The following FBXO6 variants were observed in gnomAD, a reference collection of about 807,000 sequenced individuals.
The protein encoded by FBXO6 is F-box only protein 6.
FBXO6 carries 13 observed loss-of-function variants against 25.0 expected under a neutral mutation model. That is an observed-to-expected ratio of 0.52 (90% CI 0.34 to 0.83). The LOEUF is 0.83. FBXO6 is among the 40% of genes least tolerant of loss of function. The pLI, the probability that FBXO6 is intolerant of heterozygous loss-of-function variation, is 0.02. For synonymous variants in FBXO6, 138 were observed against 155.3 expected, an observed-to-expected ratio of 0.89 and a Z score of 0.83; for missense variants, 370 against 380.2, an observed-to-expected ratio of 0.97 and a Z score of 0.22.
At chr1:11,666,037 C>CTTT (rs70983580) in intron 1 of FBXO6, among the ~76,000 whole-genome samples, 23 of 97,364 alleles carry the variant, frequency 2.4e-4, no homozygotes, top group South Asian at 3.3e-4. Flanking sequence ...TTTCTTTTCT[C>CTTT]TTTTTTTTTT....
Position 11,673,554 on chromosome 1 carries a change from C to G in FBXO6, c.646-61C>G. 1.3e-6 allele frequency: 2 copies of G among 1,577,916 alleles called. No individual in the cohort carries two copies. The highest frequency in any genetic ancestry group is 1.7e-6 in the Non-Finnish European group (2 of 1,155,464). On this transcript the variant is annotated intron_variant, in intron 5 of 5. Coordinates refer to ENST00000376753, the MANE Select transcript of FBXO6 (RefSeq NM_018438.6). The surrounding 1 kb of genome is among the most constrained non-coding windows in gnomAD (Gnocchi z 4.3). ...AGCCTGGGCAGCTCTCTTAGAGGAC[C>G]TGGCTCCTGCCTTCCCCTCCCCCGT...
rs1249781366 is a variant in FBXO6, at chr1:11,673,850, G to C, written c.881G>C (p.Ter294SerextTer18). The C allele has an allele frequency of 1.2e-6, 2 of 1,613,980 alleles. No homozygotes were observed. The highest frequency in any genetic ancestry group is 1.7e-5 in the Admixed American group (1 of 60,016). Residue 294 changes from the stop codon to serine, a stop_lost, in exon 6 of 6, where the codon TGA (stop) becomes TCA (serine). Coordinates refer to ENST00000376753, the MANE Select transcript of FBXO6 (RefSeq NM_018438.6). This position sits in a 1 kb window ranked among gnomAD's most constrained non-coding sequence, Gnocchi z 4.3. ...SPYRAVVQIF[*>S] ...TACCGAGCTGTTGTCCAGATTTTCT[G>C]ACAGCTGTCCATCCTGTGTCTGGGT...
In FBXO6 at chr1:11,673,904, G is replaced by A; in HGVS notation, c.*53G>A. Reference sequence around the variant, plus strand: ...CCAGAGGTTCCTCCAGGCAGGAGCTGAGCATGGGGTGGGCAGTGAGGTCCC... The same window carrying A: ...CCAGAGGTTCCTCCAGGCAGGAGCTAAGCATGGGGTGGGCAGTGAGGTCCC... On this transcript the variant is annotated 3_prime_UTR_variant, in exon 6 of 6. Transcript: ENST00000376753. This position sits in a 1 kb window ranked among gnomAD's most constrained non-coding sequence, Gnocchi z 4.3. 4 of 1,555,328 alleles carry A rather than the reference G, an allele frequency of 2.6e-6. No individual in the cohort carries two copies. The highest frequency in any genetic ancestry group is 2.2e-5 in the East Asian group (1 of 44,486).
intron 2 of FBXO6, 32 bp downstream of exon 2, chr1:11,668,976 A>G (rs2100691260): frequency 1.2e-6 from 2 of 1,606,264 alleles, no homozygotes; most frequent in Non-Finnish European, 1.7e-6. Flanking sequence ...GGCTGCCACC[A>G]GGCTCGTTCC....
In FBXO6 at chr1:11,666,677, C is replaced by T. The variant is rs189699895; in HGVS notation, c.-3-1979C>T. On this transcript the variant is annotated intron_variant, in intron 1 of 5. Transcript: ENST00000376753. ...GGTTACAGGCTTGAGCCACCGCACC[C>T]GGCCTGCAAAGCATTTTTCACGAGG... 3.7e-3 allele frequency among the ~76,000 whole-genome samples: 567 copies of T among 152,240 alleles called. 1 individual carries two copies. Among genetic ancestry groups the T allele is most frequent in the African/African-American group, 0.013 (530 of 41,552 alleles).
intron 3 of FBXO6, 131 bp from the exon 4 acceptor site, chr1:11,671,797 C>T (rs1640622422): frequency 1.3e-5 from 10 of 780,720 alleles, no homozygotes; most frequent in South Asian, 3.0e-5. Context: ...GTGCCTGTCC[C>T]GCAGCGGCCA....
rs28924116 is a variant in FBXO6 at position 11,674,046 on chromosome 1, T to G, written c.*195T>G. The G allele has an allele frequency of 3.0e-3, 1,703 of 574,990 alleles. 19 individuals carry two copies. Among genetic ancestry groups the G allele is most frequent in the African/African-American group, 0.028 (1,475 of 53,490 alleles). 35.6% of individuals were successfully genotyped at this position (574,990 alleles called of 1,614,324 possible). A position where few individuals can be genotyped will look rare whatever the true frequency, so the allele number is the denominator to read the frequency against. ...CAGGCCGGGCACTGTGGCTCACGCC[T>G]GTAATCCCAGCACTTTGGGAGACCG... On this transcript the variant is annotated 3_prime_UTR_variant, in exon 6 of 6. Transcript: ENST00000376753. This position sits in a 1 kb window ranked among gnomAD's most constrained non-coding sequence, Gnocchi z 6.1.
intron 1 of FBXO6, among the ~76,000 whole-genome samples, chr1:11,665,416 C>T (rs1478255039): frequency 2.0e-5 from 3 of 150,680 alleles, no homozygotes; most frequent in Admixed American, 6.6e-5. Context: ...CAACCAAGCC[C>T]GGCTAATTTT....
rs559670552 is a variant in FBXO6 at position 11,667,271 on chromosome 1, G to A, written c.-3-1385G>A. Among the ~76,000 whole-genome samples, 6 of 152,272 alleles carry A rather than the reference G, an allele frequency of 3.9e-5. No individual in the cohort carries two copies. In the South Asian group the frequency reaches 1.2e-3, roughly 32 times the overall value. On this transcript the variant is annotated intron_variant, in intron 1 of 5. Transcript: ENST00000376753. ...ACCTGAGTGACAGTGCAGAGCCCTG[G>A]CTGCCGGCCAACCCCCACCTACCTG...
intron 1 of FBXO6, among the ~76,000 whole-genome samples, chr1:11,667,855 G>C (rs557502454): frequency 2.8e-4 from 43 of 152,294 alleles, no homozygotes; most frequent in Admixed American, 8.5e-4. Flanking sequence ...CACTTTGGGA[G>C]GCCGAGGTGG....
chr1:11,664,809 G>C (rs1640356865), intron 1 of FBXO6: 1 of 152,246 alleles, frequency 6.6e-6, no homozygotes, highest in Admixed American at 6.5e-5. Flanking sequence ...GCCGGGCCGG[G>C]CAGTTGGGGA....
At position 11,673,006 on chromosome 1, in the gene FBXO6, G is replaced by A. The variant is rs555834233; in HGVS notation, c.510-271G>A. On this transcript the variant is annotated intron_variant, in intron 4 of 5. Coordinates refer to ENST00000376753, the MANE Select transcript of FBXO6 (RefSeq NM_018438.6). The surrounding 1 kb of genome is among the most constrained non-coding windows in gnomAD (Gnocchi z 4.3). Reference sequence around the variant, plus strand: ...GGACAGACCAGGCCTCTCTGGAGGGGTCTTTTGATTTTTGAGGTCATATCT... The same window carrying A: ...GGACAGACCAGGCCTCTCTGGAGGGATCTTTTGATTTTTGAGGTCATATCT... Among the ~76,000 whole-genome samples the A allele has an allele frequency of 6.6e-6, 1 of 152,338 alleles. No individual in the cohort carries two copies. The highest frequency in any genetic ancestry group is 2.1e-4 in the South Asian group (1 of 4,828).
At chr1:11,666,362 G>A (rs918264867) in intron 1 of FBXO6, among the ~76,000 whole-genome samples, 3 of 150,450 alleles carry the variant, frequency 2.0e-5, no homozygotes, top group African/African-American at 7.3e-5. Context: ...TGTTGCCAAG[G>A]TTGCAAAGCC....
rs770503923 is a variant in FBXO6 at position 11,672,010 on chromosome 1, G to A, written c.496G>A (p.Val166Met). 2.4e-5 allele frequency: 38 copies of A among 1,613,976 alleles called. No individual in the cohort carries two copies. The East Asian group carries it at 2.9e-4, about 12-fold the overall frequency. ...ELLDTFRPDI[V>M]VKDWFAARAD... ...ACTAGACACATTCCGGCCGGACATC[G>A]TGGTTAAGGACTGGTGAGTAGGGTC... Residue 166 changes from valine (V) to methionine (M), a missense_variant, in exon 4 of 6, where the codon GTG becomes ATG. Transcript: ENST00000376753.
At chr1:11,666,036 T>A (rs912162407) in intron 1 of FBXO6, among the ~76,000 whole-genome samples, 1 of 129,778 alleles carries the variant, frequency 7.7e-6, no homozygotes, top group Non-Finnish European at 1.5e-5. Context: ...TTTTCTTTTC[T>A]CTTTTTTTTT....
At chr1:11,666,123 A>T (rs1328456981) in intron 1 of FBXO6, among the ~76,000 whole-genome samples, 2 of 135,188 alleles carry the variant, frequency 1.5e-5, no homozygotes, top group East Asian at 4.3e-4. Flanking sequence ...ACTCTGCTCC[A>T]GCAGGCTCCT....
chr1:11,665,085 C>T (rs942397371), intron 1 of FBXO6, among the ~76,000 whole-genome samples: 1 of 152,084 alleles, frequency 6.6e-6, no homozygotes, highest in Non-Finnish European at 1.5e-5. Flanking sequence ...TGCTCTGTCA[C>T]CCAGGCTGGA....
chr1:11,668,995 C>T, intron 2 of FBXO6, 51 bp downstream of exon 2: 2 of 1,591,592 alleles, frequency 1.3e-6, no homozygotes, highest in South Asian at 2.3e-5. Context: ...CCTTCTCATC[C>T]TTGGGCCTTG....
At chr1:11,669,062 C>A in intron 2 of FBXO6, 118 bp downstream of exon 2, 1 of 1,309,540 alleles carries the variant, frequency 7.6e-7, no homozygotes, top group Non-Finnish European at 1.0e-6. Flanking sequence ...ACCCACCTCA[C>A]TTCCTTGGTT....
Sources: gnomAD v4.1 joint callset for allele counts (sites outside exome capture counted in the v4.1 genomes callset) on GRCh38, gnomAD v4.1.1 for gene constraint, Gnocchi (gnomAD v3.1) non-coding constraint, MANE v1.5 for transcripts, NCBI Gene and HGNC (gene_info 2026-07-23, HGNC 2026-07-21) for gene names.